Variants in TCN2 observed in about 807,000 individuals in gnomAD.
The protein encoded by TCN2 is transcobalamin 2, also known as transcobalamin-2.
TCN2 carries 34 observed loss-of-function variants against 48.6 expected under a neutral mutation model. The observed-to-expected ratio is 0.70, with a 90% CI of 0.53 to 0.93. The LOEUF is 0.93. Among genes scored for constraint, TCN2 ranks in the 40% least tolerant of loss-of-function variants. The pLI is 0.00. For synonymous variants in TCN2, 283 were observed against 212.5 expected, an observed-to-expected ratio of 1.33 and a Z score of -2.89; for missense variants, 652 against 526.1, an observed-to-expected ratio of 1.24 and a Z score of -2.34.
rs754547042 is a variant in TCN2, at chr22:30,624,061, CATAT to C, written c.1222+995_1222+998del. On this transcript the variant is annotated intron_variant, in intron 8 of 8. Transcript: ENST00000215838. ...ACATATATACACACACACACACACACATATATATATATATATATATTTTTTTTTT... is the reference window on the plus strand; with the variant it reads ...ACATATATACACACACACACACACACATATATATATATATATTTTTTTTTT... 1.8e-3 allele frequency among the ~76,000 whole-genome samples: 25 copies of C among 14,002 alleles called. 10 individuals carry two copies. Among genetic ancestry groups the C allele is most frequent in the Admixed American group, 3.6e-3 (4 of 1,116 alleles). 9.2% of individuals were successfully genotyped at this position (14,002 alleles called of 152,430 possible).
At chr22:30,612,013 G>T (rs926016244) in intron 2 of TCN2, among the ~76,000 whole-genome samples, 1 of 152,098 alleles carries the variant, frequency 6.6e-6, no homozygotes, top group African/African-American at 2.4e-5. Flanking sequence ...GAGGCAGGAA[G>T]ATTGCTTGAG....
At chr22:30,611,219 G>A (rs571685528) in intron 2 of TCN2, 156 bp downstream of exon 2, 3 of 892,992 alleles carry the variant, frequency 3.4e-6, no homozygotes, top group South Asian at 1.4e-5. Flanking sequence ...ATAGAATGAA[G>A]GGGTTGGTTG....
At chr22:30,613,161 C>T (rs757351997) in intron 3 of TCN2, 119 bp downstream of exon 3, 49 of 1,401,986 alleles carry the variant, frequency 3.5e-5, no homozygotes, top group Non-Finnish European at 4.6e-5. Flanking sequence ...ACCATCCATT[C>T]TGCCCATCTC....
Position 30,617,773 on chromosome 22 carries a change from C to T in TCN2, c.1106+278C>T, listed in dbSNP as rs192613943. ...GTTCCAGGTAGGCACCCACAATTCA[C>T]CGAGGAGAACAGTTGTGCCCCTTCC... On this transcript the variant is annotated intron_variant, in intron 7 of 8. Transcript: ENST00000215838. The T allele has an allele frequency of 1.2e-4, 56 of 476,604 alleles. No homozygotes were observed. In the East Asian group the frequency reaches 1.5e-3, roughly 13 times the overall value. 29.5% of individuals were successfully genotyped at this position (476,604 alleles called of 1,614,324 possible).
At chr22:30,612,741 C>T in intron 2 of TCN2, 132 bp from the exon 3 acceptor site, 1 of 1,121,536 alleles carries the variant, frequency 8.9e-7, no homozygotes, top group Non-Finnish European at 1.3e-6. Flanking sequence ...AACACACCTC[C>T]TTTTGGAGCT....
At position 30,607,281 on chromosome 22, in the gene TCN2, C is replaced by A; in HGVS notation, c.-51C>A. The A allele has an allele frequency of 6.2e-7, 1 of 1,608,336 alleles. No individual in the cohort carries two copies. Among genetic ancestry groups the A allele is most frequent in the Non-Finnish European group, 8.5e-7 (1 of 1,174,874 alleles). ...TCAGGAGAGCCTCAGCAGGGCCAGC[C>A]CCAGGAGTCTTTCCCGATTCTTGCT... On this transcript the variant is annotated 5_prime_UTR_variant, in exon 1 of 9. Coordinates refer to ENST00000215838, the MANE Select transcript of TCN2 (RefSeq NM_000355.4).
At chr22:30,621,973 C>T (rs1030874422) in intron 7 of TCN2, among the ~76,000 whole-genome samples, 9 of 152,152 alleles carry the variant, frequency 5.9e-5, no homozygotes, top group Non-Finnish European at 8.8e-5. Flanking sequence ...GGATGAAGGA[C>T]GTGGCCCACG....
intron 5 of TCN2, 31 bp downstream of exon 5, chr22:30,615,504 C>T (rs774299575): frequency 6.2e-7 from 1 of 1,610,134 alleles, no homozygotes; most frequent in Non-Finnish European, 8.5e-7. Context: ...CCATGGCCAC[C>T]CTGGGGAACA....
intron 8 of TCN2, among the ~76,000 whole-genome samples, chr22:30,623,630 CCA>C (rs1314311086): frequency 6.6e-6 from 1 of 150,800 alleles, no homozygotes; most frequent in Non-Finnish European, 1.5e-5. Flanking sequence ...GCCATGCTAT[CCA>C]GTGGAAATTT....
In TCN2 at chr22:30,615,419, C is replaced by T. The variant is rs761240130; in HGVS notation, c.699C>T (p.Ala233=). 6 of 1,614,148 alleles carry T rather than the reference C, an allele frequency of 3.7e-6. No homozygotes were observed. In the South Asian group the frequency reaches 5.5e-5, roughly 15 times the overall value. The part of the protein sequence containing the change: ...IRTVREEILK[A]QTPEGHFGNV... ...CAGTGCGAGAGGAGATCTTGAAGGC[C>T]CAGACCCCCGAGGGCCACTTTGGGA... is the stretch of plus-strand genomic sequence containing the variant. Residue 233 remains alanine, a synonymous_variant, in exon 5 of 9, where the codon GCC becomes GCT. Coordinates refer to ENST00000215838, the MANE Select transcript of TCN2 (RefSeq NM_000355.4).
rs373452416 is a variant in TCN2, at chr22:30,607,312, C to T, written c.-20C>T. On this transcript the variant is annotated 5_prime_UTR_variant, in exon 1 of 9. Transcript: ENST00000215838. ...AGTCTTTCCCGATTCTTGCTCACTG[C>T]TCACCCACCTGCTGCTGCCATGAGG... The T allele has an allele frequency of 1.9e-6, 3 of 1,614,148 alleles. No individual in the cohort carries two copies. Among genetic ancestry groups the T allele is most frequent in the African/African-American group, 1.3e-5 (1 of 75,042 alleles).
intron 7 of TCN2, among the ~76,000 whole-genome samples, chr22:30,618,304 T>G (rs962754738): frequency 1.3e-5 from 2 of 151,664 alleles, no homozygotes; most frequent in African/African-American, 4.8e-5. Flanking sequence ...CTCACTCTAT[T>G]ACCCAGGCTC....
chr22:30,622,813 A>G (rs1324629005), intron 7 of TCN2, among the ~76,000 whole-genome samples, 155 bp from the exon 8 acceptor site: 2 of 152,108 alleles, frequency 1.3e-5, no homozygotes, highest in African/African-American at 2.4e-5. Flanking sequence ...GTGGAAGTTG[A>G]GATCACAGAC....
At chr22:30,623,969 CACAT>C (rs66608741) in intron 8 of TCN2, among the ~76,000 whole-genome samples, 1 of 67,168 alleles carries the variant, frequency 1.5e-5, no homozygotes. Context: ...TATATACACA[CACAT>C]ATATATGTAT....
chr22:30,625,298 AG>A, intron 8 of TCN2, among the ~76,000 whole-genome samples: 2 of 152,174 alleles, frequency 1.3e-5, no homozygotes, highest in East Asian at 3.9e-4. Context: ...GGACACTGAC[AG>A]ATTCAGTGTC....
At chr22:30,626,199 A>G (rs2087807083) in intron 8 of TCN2, among the ~76,000 whole-genome samples, 1 of 151,988 alleles carries the variant, frequency 6.6e-6, no homozygotes, top group Non-Finnish European at 1.5e-5. Context: ...TCTCTTCCTG[A>G]TGGTCCCTAG....
chr22:30,610,407 GC>G (rs2087519047), intron 1 of TCN2: 2 of 410,602 alleles, frequency 4.9e-6, no homozygotes, highest in Non-Finnish European at 9.9e-6. Flanking sequence ...GCACCAAAGA[GC>G]GGGGGCTTTG....
At position 30,615,677 on chromosome 22, in the gene TCN2, G is replaced by A. The variant is rs550053635; in HGVS notation, c.830G>A (p.Ser277Asn). ...CLKARVALLA[S>N]LQDGAFQNAL... ...AAGGCGAGGGTTGCTTTGCTGGCCA[G>A]TCTGCAGGATGGAGCCTTCCAGAAT... is the stretch of plus-strand genomic sequence containing the variant. The change falls in exon 6 of 9, where the codon AGT becomes AAT. Residue 277 changes from serine to asparagine, a missense_variant. Transcript: ENST00000215838. The A allele has an allele frequency of 6.2e-7, 1 of 1,614,130 alleles. No homozygotes were observed. Among genetic ancestry groups the A allele is most frequent in the Non-Finnish European group, 8.5e-7 (1 of 1,180,054 alleles).
intron 1 of TCN2, among the ~76,000 whole-genome samples, chr22:30,609,597 A>G (rs1048953699): frequency 1.4e-4 from 21 of 152,144 alleles, no homozygotes; most frequent in African/African-American, 5.1e-4. Flanking sequence ...GGAGGGGGGC[A>G]GATGACCAGA....
Sources: allele counts gnomAD v4.1 joint callset (sites outside exome capture counted in the v4.1 genomes callset), GRCh38; gene constraint gnomAD v4.1.1; transcripts MANE v1.5; gene names NCBI Gene and HGNC (gene_info 2026-07-23, HGNC 2026-07-21).